The following SOX5 variants were observed in gnomAD, a reference collection of about 807,000 sequenced individuals.
SOX5 encodes the protein transcription factor SOX-5.
SOX5 carries 9 observed loss-of-function variants against 92.0 expected under a neutral mutation model. That is an observed-to-expected ratio of 0.10 (90% confidence interval 0.06 to 0.17). The LOEUF (loss-of-function observed/expected upper bound fraction) is 0.17. SOX5 is among the 10% of genes least tolerant of loss of function. SOX5 has a pLI of 1.00. For synonymous variants in SOX5, 344 were observed against 336.3 expected (o/e 1.02, Z -0.25); for missense variants, 642 against 944.5 (o/e 0.68, Z 4.20).
At chr12:23,931,710 G>A (rs923605638) in intron 1 of SOX5, among the ~76,000 whole-genome samples, 5 of 151,658 alleles carry the variant, frequency 3.3e-5, no homozygotes, top group African/African-American at 1.2e-4. Context: ...TGAGAACAGT[G>A]AATGACAAAT....
At chr12:23,954,838 T>C (rs1190458704), upstream of SOX5, among the ~76,000 whole-genome samples, 2 of 152,098 alleles carry the variant, frequency 1.3e-5, no homozygotes, top group East Asian at 3.9e-4. Context: ...GAAACTCTAG[T>C]TTCATACTTC....
chr12:24,535,651 G>C (rs915309195), intron 1 of SOX5, among the ~76,000 whole-genome samples: 1 of 152,140 alleles, frequency 6.6e-6, no homozygotes, highest in African/African-American at 2.4e-5. Flanking sequence ...ATTTACAGCT[G>C]GGTAAGCGCA....
intron 3 of SOX5, among the ~76,000 whole-genome samples, chr12:23,820,128 G>A (rs2096077325): frequency 6.6e-6 from 1 of 152,172 alleles, no homozygotes; most frequent in South Asian, 2.1e-4. Flanking sequence ...CCATTTAACT[G>A]GTGTGAGATG....
At chr12:24,472,468 T>C (rs1944917678) in intron 1 of SOX5, among the ~76,000 whole-genome samples, 2 of 152,178 alleles carry the variant, frequency 1.3e-5, no homozygotes, top group African/African-American at 4.8e-5. Flanking sequence ...CAGAAGAGGA[T>C]GTTCAAAGAT....
intron 6 of SOX5, among the ~76,000 whole-genome samples, chr12:23,724,900 G>A (rs2093033546): frequency 1.3e-5 from 2 of 152,146 alleles, no homozygotes; most frequent in Non-Finnish European, 2.9e-5. Context: ...AAATCTACTT[G>A]GTGGGGTAAA....
intron 4 of SOX5, among the ~76,000 whole-genome samples, chr12:23,961,595 C>A (rs753696392): frequency 5.9e-5 from 9 of 152,112 alleles, no homozygotes; most frequent in Admixed American, 2.0e-4. Context: ...GGTATCACCC[C>A]CTATTGGAAT....
intron 3 of SOX5, among the ~76,000 whole-genome samples, chr12:24,260,843 T>C (rs1457854541): frequency 6.6e-6 from 1 of 152,136 alleles, no homozygotes; most frequent in African/African-American, 2.4e-5. Flanking sequence ...TTTCTCAACT[T>C]TGGGTTGATG....
chr12:24,450,781 C>A (rs893302807), intron 1 of SOX5, among the ~76,000 whole-genome samples: 1 of 152,162 alleles, frequency 6.6e-6, no homozygotes, highest in African/African-American at 2.4e-5. Flanking sequence ...GTGAGCCACC[C>A]ATGCCCAGCC....
At chr12:24,298,098 G>A (rs1443492117) in intron 2 of SOX5, among the ~76,000 whole-genome samples, 9 of 151,866 alleles carry the variant, frequency 5.9e-5, no homozygotes. Flanking sequence ...TCTGAGACAG[G>A]GTCTCACTCT....
chr12:24,525,883 T>G (rs564594532), intron 1 of SOX5, among the ~76,000 whole-genome samples: 1 of 149,490 alleles, frequency 6.7e-6, no homozygotes, highest in Admixed American at 6.6e-5. Context: ...CCAGTAGGTA[T>G]GAAGAAAACA....
intron 2 of SOX5, among the ~76,000 whole-genome samples, chr12:24,341,510 G>A (rs1250847099): frequency 5.3e-5 from 8 of 152,246 alleles, no homozygotes; most frequent in African/African-American, 1.7e-4. Flanking sequence ...ATGCTTTATT[G>A]ATTCTTTACT....
At position 23,532,086 on chromosome 12, in the gene SOX5, C is replaced by A. The variant is rs1186775954; in HGVS notation, c.*2133G>T. 1.3e-5 allele frequency: 2 copies of A among 151,132 alleles called. No individual in the cohort carries two copies. The highest frequency in any genetic ancestry group is 1.5e-5 in the Non-Finnish European group (1 of 67,826). The allele number at this position is 151,132 out of a possible 1,614,324, so 9.4% of individuals were successfully genotyped here. A position where few individuals can be genotyped will look rare whatever the true frequency, so the allele number is the denominator to read the frequency against. The stretch of plus-strand genomic sequence containing the variant: ...TATACATAACTTACTAATCTGGGAA[C>A]AGCTGACCATTATTATTATTATTAC... On this transcript the variant is annotated 3_prime_UTR_variant, in exon 15 of 15. Coordinates refer to ENST00000451604, the MANE Select transcript of SOX5 (RefSeq NM_006940.6).
At chr12:23,750,720 T>C (rs897141627) in intron 4 of SOX5, among the ~76,000 whole-genome samples, 18 of 151,886 alleles carry the variant, frequency 1.2e-4, no homozygotes, top group Admixed American at 1.2e-3. Context: ...AGATTAAATA[T>C]GTAAGAGTTT....
intron 3 of SOX5, among the ~76,000 whole-genome samples, chr12:24,272,767 G>C (rs1409277130): frequency 6.6e-6 from 1 of 152,056 alleles, no homozygotes; most frequent in Non-Finnish European, 1.5e-5. Context: ...TGCCAAATTT[G>C]AATTGCTAAT....
chr12:23,660,407 T>C (rs1566791087), intron 7 of SOX5, among the ~76,000 whole-genome samples: 1 of 152,156 alleles, frequency 6.6e-6, no homozygotes, highest in Non-Finnish European at 1.5e-5. Context: ...ATAACTTACA[T>C]TAGGACAATC....
At chr12:24,073,268 C>T (rs1175909455) in intron 4 of SOX5, among the ~76,000 whole-genome samples, 5 of 152,266 alleles carry the variant, frequency 3.3e-5, no homozygotes, top group Admixed American at 3.3e-4. Context: ...AGCATATGAG[C>T]TCAAATCCAA....
At chr12:24,495,129 CTG>C (rs1388329298) in intron 1 of SOX5, among the ~76,000 whole-genome samples, 15 of 152,162 alleles carry the variant, frequency 9.9e-5, no homozygotes, top group Non-Finnish European at 1.3e-4. Flanking sequence ...TAGTTATACC[CTG>C]ATGTTTACTC....
chr12:24,227,897 CTG>C (rs1276597659), intron 3 of SOX5: 1 of 152,158 alleles, frequency 6.6e-6, no homozygotes, highest in Non-Finnish European at 1.5e-5. Flanking sequence ...TTTAAAGTCT[CTG>C]TAGTCACGAT....
chr12:24,289,082 A>C (rs1946276725), intron 2 of SOX5, among the ~76,000 whole-genome samples: 1 of 152,128 alleles, frequency 6.6e-6, no homozygotes, highest in Non-Finnish European at 1.5e-5. Flanking sequence ...AGAATTAGAG[A>C]CTAGCCTGGG....
Sources: gnomAD v4.1 joint callset for allele counts (sites outside exome capture counted in the v4.1 genomes callset) on GRCh38, gnomAD v4.1.1 for gene constraint, MANE v1.5 for transcripts, NCBI Gene and HGNC (gene_info 2026-07-23, HGNC 2026-07-21) for gene names.